Variants in GRID2 observed in about 807,000 individuals in gnomAD.
GRID2 encodes the protein glutamate receptor ionotropic, delta-2.
In GRID2, 33 loss-of-function variants were observed where a neutral mutation model predicts 114.8. That is an observed-to-expected ratio of 0.29 (90% CI 0.22 to 0.38). GRID2 has a LOEUF of 0.38. Among genes scored for constraint, GRID2 ranks in the 10% least tolerant of loss-of-function variants. GRID2 has a pLI of 1.00. For synonymous variants in GRID2, 505 were observed against 449.9 expected, an observed-to-expected ratio of 1.12 and a Z score of -1.55; for missense variants, 1,184 against 1,257.7, an observed-to-expected ratio of 0.94 and a Z score of 0.89.
At chr4:92,329,030 T>A (rs1726741084) in intron 1 of GRID2, among the ~76,000 whole-genome samples, 1 of 152,040 alleles carries the variant, frequency 6.6e-6, no homozygotes, top group Non-Finnish European at 1.5e-5. Flanking sequence ...CTGGGTAGAG[T>A]TTGCTCTGTG....
intron 8 of GRID2, among the ~76,000 whole-genome samples, chr4:93,330,750 TC>T (rs1439102796): frequency 6.6e-6 from 1 of 152,084 alleles, no homozygotes; most frequent in East Asian, 1.9e-4. Context: ...GGCCATTTAC[TC>T]CATATAGACA....
At chr4:92,629,439 T>C (rs569515430) in intron 2 of GRID2, among the ~76,000 whole-genome samples, 6 of 152,102 alleles carry the variant, frequency 3.9e-5, no homozygotes, top group Non-Finnish European at 7.4e-5. Context: ...ATTGAACTAC[T>C]TCAAAATGTT....
chr4:93,021,492 T>C (rs1007183176), intron 2 of GRID2, among the ~76,000 whole-genome samples: 3 of 147,888 alleles, frequency 2.0e-5, no homozygotes, highest in Non-Finnish European at 3.0e-5. Flanking sequence ...ATCCATCTGC[T>C]AAATATAAAA....
chr4:93,029,809 T>C (rs1307341981), intron 2 of GRID2, among the ~76,000 whole-genome samples: 1 of 152,182 alleles, frequency 6.6e-6, no homozygotes, highest in Non-Finnish European at 1.5e-5. Flanking sequence ...ATTGCCTGAT[T>C]AGCTTCTTCT....
In GRID2 at chr4:93,573,805, A is replaced by G. The variant is rs1001382556; in HGVS notation, c.2194-52464A>G. ...TTCATGTAACCCTGGACCACTGCAAATAGAGTTCCACATGTAGATAAAACA... is the reference window on the plus strand; with the variant it reads ...TTCATGTAACCCTGGACCACTGCAAGTAGAGTTCCACATGTAGATAAAACA... On this transcript the variant is annotated intron_variant, in intron 13 of 15. Coordinates refer to ENST00000282020, the MANE Select transcript of GRID2 (RefSeq NM_001510.4). Among the ~76,000 whole-genome samples, 5 of 152,264 alleles carry G rather than the reference A, an allele frequency of 3.3e-5. No individual in the cohort carries two copies. In the East Asian group the frequency reaches 7.7e-4, roughly 24 times the overall value.
chr4:92,872,410 A>G (rs769905980), intron 2 of GRID2, among the ~76,000 whole-genome samples: 2 of 152,190 alleles, frequency 1.3e-5, no homozygotes, highest in Non-Finnish European at 1.5e-5. Context: ...GGAATTCTCC[A>G]TGAAGAAAAA....
intron 1 of GRID2, among the ~76,000 whole-genome samples, chr4:92,581,585 G>A (rs1352581365): frequency 6.6e-6 from 1 of 151,982 alleles, no homozygotes; most frequent in Admixed American, 6.6e-5. Context: ...GCTAAGAAAA[G>A]GGTCTTGTGT....
In GRID2 at chr4:92,474,109, G is replaced by T. The variant is rs180880308; in HGVS notation, c.89-116022G>T. Among the ~76,000 whole-genome samples the T allele has an allele frequency of 3.4e-4, 51 of 151,842 alleles. No homozygotes were observed. The East Asian group carries it at 8.5e-3, about 25-fold the overall frequency. Reference sequence around the variant, plus strand: ...CTGTAGTCAACATGTTAAAAATTATGTCTCCAGGACTTATTCATCTTATGA... The same window carrying T: ...CTGTAGTCAACATGTTAAAAATTATTTCTCCAGGACTTATTCATCTTATGA... On this transcript the variant is annotated intron_variant, in intron 1 of 15. Transcript: ENST00000282020.
At chr4:92,806,621 A>G (rs1041077208) in intron 2 of GRID2, among the ~76,000 whole-genome samples, 5 of 151,968 alleles carry the variant, frequency 3.3e-5, no homozygotes, top group Non-Finnish European at 7.4e-5. Context: ...AGAGCCTGAC[A>G]TATATTGTAC....
intron 8 of GRID2, among the ~76,000 whole-genome samples, chr4:93,378,847 A>T (rs1763604958): frequency 6.6e-6 from 1 of 152,054 alleles, no homozygotes; most frequent in Non-Finnish European, 1.5e-5. Context: ...GCTGGGAGGA[A>T]TAACTTCTTG....
intron 13 of GRID2, among the ~76,000 whole-genome samples, chr4:93,582,771 G>C (rs59378471): frequency 0.032 from 4,844 of 151,932 alleles, 247 homozygotes; most frequent in African/African-American, 0.11. Context: ...ATTTAGATTG[G>C]GGAAATAAAT....
intron 2 of GRID2, among the ~76,000 whole-genome samples, chr4:92,664,141 T>G (rs1732655097): frequency 6.6e-6 from 1 of 151,382 alleles, no homozygotes; most frequent in South Asian, 2.1e-4. Flanking sequence ...TTTTAAATTC[T>G]AAGTAAATGA....
At chr4:92,479,146 AAAT>A (rs531088747) in intron 1 of GRID2, among the ~76,000 whole-genome samples, 119 of 152,168 alleles carry the variant, frequency 7.8e-4, no homozygotes, top group Non-Finnish European at 1.6e-3. Context: ...ATTTCAGAAA[AAAT>A]AATAATGGTG....
chr4:93,215,424 G>A (rs1579315158), intron 5 of GRID2, among the ~76,000 whole-genome samples: 1 of 152,082 alleles, frequency 6.6e-6, no homozygotes, highest in East Asian at 1.9e-4. Flanking sequence ...GGAGTTGACA[G>A]GATACCGTTT....
intron 2 of GRID2, among the ~76,000 whole-genome samples, chr4:92,979,941 A>G (rs989819214): frequency 6.6e-6 from 1 of 152,176 alleles, no homozygotes; most frequent in Non-Finnish European, 1.5e-5. Flanking sequence ...ACAACATCTC[A>G]TTTTTGCAAT....
chr4:93,443,776 G>T (rs1397879741), intron 10 of GRID2, among the ~76,000 whole-genome samples: 1 of 151,824 alleles, frequency 6.6e-6, no homozygotes, highest in African/African-American at 2.4e-5. Context: ...ATGACAAAAT[G>T]GGAGAGACTT....
chr4:93,125,920 A>C (rs1174627327), intron 4 of GRID2, among the ~76,000 whole-genome samples: 1 of 152,328 alleles, frequency 6.6e-6, no homozygotes, highest in East Asian at 1.9e-4. Flanking sequence ...CTCATGGAAG[A>C]TGTCCTATTT....
chr4:93,712,836 A>G (rs1304856630), intron 14 of GRID2, among the ~76,000 whole-genome samples: 1 of 152,100 alleles, frequency 6.6e-6, no homozygotes, highest in Non-Finnish European at 1.5e-5. Context: ...AACTCTTATT[A>G]TAAGTTTTTT....
chr4:92,495,998 T>C (rs1316491829), intron 1 of GRID2, among the ~76,000 whole-genome samples: 1 of 151,876 alleles, frequency 6.6e-6, no homozygotes, highest in Non-Finnish European at 1.5e-5. Context: ...TAAATATGTA[T>C]GAACTGAATT....
Sources: allele counts gnomAD v4.1 joint callset (sites outside exome capture counted in the v4.1 genomes callset), GRCh38; gene constraint gnomAD v4.1.1; transcripts MANE v1.5; gene names NCBI Gene and HGNC (gene_info 2026-07-23, HGNC 2026-07-21).